Variants in MERTK observed in about 807,000 individuals in gnomAD.
MERTK encodes MER proto-oncogene, tyrosine kinase, also known as tyrosine-protein kinase Mer.
Under a neutral mutation model 99.3 loss-of-function variants are expected in MERTK, and 69 were observed. The ratio of observed to expected loss-of-function variants is 0.70; its 90% CI spans 0.57 to 0.85. The LOEUF is 0.85. Ranked by LOEUF, MERTK falls within the 40% of genes least tolerant of loss-of-function variation. The pLI, the probability that MERTK is intolerant of heterozygous loss-of-function variation, is 0.00. For synonymous variants in MERTK, 426 were observed against 467.6 expected, an observed-to-expected ratio of 0.91 and a Z score of 1.15; for missense variants, 1,125 against 1,249.4, an observed-to-expected ratio of 0.90 and a Z score of 1.50.
At chr2:111,947,681 G>T (rs974965615) in intron 4 of MERTK, 114 bp downstream of exon 4, 1 of 1,267,470 alleles carries the variant, frequency 7.9e-7, no homozygotes, top group Non-Finnish European at 1.1e-6. Flanking sequence ...GAAAATACAG[G>T]TGTGGCAGCA....
intron 1 of MERTK, 57 bp from the exon 2 acceptor site, chr2:111,929,063 C>T: frequency 6.2e-7 from 1 of 1,602,132 alleles, no homozygotes; most frequent in Non-Finnish European, 8.5e-7. Flanking sequence ...AGTTGGGAAC[C>T]TACTTGGGAA....
At chr2:112,008,185 T>C (rs1390116231) in intron 13 of MERTK, among the ~76,000 whole-genome samples, 198 bp from the exon 14 acceptor site, 5 of 152,024 alleles carry the variant, frequency 3.3e-5, no homozygotes, top group Non-Finnish European at 5.9e-5. Flanking sequence ...GCCCCAAAAG[T>C]CCCCTGTGCT....
intron 11 of MERTK, among the ~76,000 whole-genome samples, chr2:112,002,795 A>G (rs1257375395): frequency 6.6e-6 from 1 of 152,090 alleles, no homozygotes; most frequent in African/African-American, 2.4e-5. Flanking sequence ...CCCAGATGAT[A>G]AAACCCGTCT....
intron 9 of MERTK, chr2:111,995,372 T>A: frequency 5.3e-6 from 1 of 188,410 alleles, no homozygotes. Context: ...GGTTGTTTAA[T>A]GTTAAACGGC....
At chr2:112,012,308 A>C (rs1435381460) in intron 15 of MERTK, among the ~76,000 whole-genome samples, 1,897 of 121,010 alleles carry the variant, frequency 0.016, no homozygotes, top group Non-Finnish European at 0.019. Flanking sequence ...CTTCCCCCCC[A>C]CCCCCACACC....
In MERTK at chr2:111,969,434, A is replaced by G. The variant is rs115962204; in HGVS notation, c.960+1182A>G. ...CATCCTGCCTGGTACTTAATCATAC[A>G]GTAGGGTCAGGAATTAGTTTACTAA... On this transcript the variant is annotated intron_variant, in intron 6 of 18. Coordinates refer to ENST00000295408, the MANE Select transcript of MERTK (RefSeq NM_006343.3). 9.8e-3 allele frequency among the ~76,000 whole-genome samples: 1,497 copies of G among 152,278 alleles called. 13 individuals carry two copies. The highest frequency in any genetic ancestry group is 0.012 in the Non-Finnish European group (809 of 67,998).
rs1053281871 is a variant in MERTK, at chr2:111,980,713, C to T, written c.1145-2129C>T. Among the ~76,000 whole-genome samples the T allele has an allele frequency of 4.6e-5, 7 of 152,150 alleles. No homozygotes were observed. In the East Asian group the frequency reaches 7.7e-4, roughly 17 times the overall value. ...GATTACAGGCGTGACCCACTGCGCCCGGCAGAGACACAACTATTTGTTAAT... is the reference window on the plus strand; with the variant it reads ...GATTACAGGCGTGACCCACTGCGCCTGGCAGAGACACAACTATTTGTTAAT... On this transcript the variant is annotated intron_variant, in intron 7 of 18. Coordinates refer to ENST00000295408, the MANE Select transcript of MERTK (RefSeq NM_006343.3).
Position 112,028,154 on chromosome 2 carries a change from C to T in MERTK, c.2487-197C>T, listed in dbSNP as rs1293436464. The T allele has an allele frequency of 1.7e-5, 11 of 639,040 alleles. No homozygotes were observed. In the East Asian group the frequency reaches 2.8e-4, roughly 16 times the overall value. 39.6% of individuals were successfully genotyped at this position (639,040 alleles called of 1,614,324 possible). ...TGTGCTCTTCCTAGAAACAGAATCACTTTTTTGTCAAATACCATGGAACAT... is the reference window on the plus strand; with the variant it reads ...TGTGCTCTTCCTAGAAACAGAATCATTTTTTTGTCAAATACCATGGAACAT... On this transcript the variant is annotated intron_variant, in intron 18 of 18. Transcript: ENST00000295408.
At chr2:112,021,006 C>T (rs1250804274) in intron 16 of MERTK, among the ~76,000 whole-genome samples, 1 of 148,778 alleles carries the variant, frequency 6.7e-6, no homozygotes, top group East Asian at 2.0e-4. Context: ...CCAGCCTGGC[C>T]AACATGGTGA....
intron 8 of MERTK, among the ~76,000 whole-genome samples, chr2:111,991,746 C>T (rs998582311): frequency 2.0e-5 from 3 of 151,910 alleles, no homozygotes; most frequent in Admixed American, 1.3e-4. Flanking sequence ...TGTGTGTGTA[C>T]ACACACAATA....
intron 16 of MERTK, 55 bp from the exon 17 acceptor site, chr2:112,021,367 A>G: frequency 1.2e-6 from 2 of 1,609,378 alleles, no homozygotes; most frequent in Middle Eastern, 2.2e-4. Context: ...GATACAGACC[A>G]GTAATTTAAG....
chr2:111,910,608 G>GTA lies in MERTK; in HGVS notation c.61+11813_61+11814insAT, dbSNP rs1320261312. ...AAAAAAAAAGTGTGTGTGTGTGTGTGTGTATATATATATATATATACAAAT... is the reference window on the plus strand; with the variant it reads ...AAAAAAAAAGTGTGTGTGTGTGTGTGTATGTATATATATATATATATACAAAT... On this transcript the variant is annotated intron_variant, in intron 1 of 18. Coordinates refer to ENST00000295408, the MANE Select transcript of MERTK (RefSeq NM_006343.3). Among the ~76,000 whole-genome samples, 6 of 127,892 alleles carry GTA rather than the reference G, an allele frequency of 4.7e-5. No homozygotes were observed. In the East Asian group the frequency reaches 9.4e-4, roughly 20 times the overall value. 83.9% of individuals were successfully genotyped at this position (127,892 alleles called of 152,430 possible).
At chr2:111,960,829 C>T (rs1223542976) in intron 4 of MERTK, among the ~76,000 whole-genome samples, 1 of 151,754 alleles carries the variant, frequency 6.6e-6, no homozygotes, top group South Asian at 2.1e-4. Context: ...CCTCAAATTA[C>T]ATTTTTTGAA....
At chr2:112,015,013 A>G (rs1349708776) in intron 15 of MERTK, among the ~76,000 whole-genome samples, 2 of 152,206 alleles carry the variant, frequency 1.3e-5, no homozygotes, top group African/African-American at 2.4e-5. Flanking sequence ...TGTGTATATC[A>G]ATAGTTCATT....
intron 13 of MERTK, among the ~76,000 whole-genome samples, chr2:112,006,988 G>T (rs1366742077): frequency 6.6e-6 from 1 of 150,800 alleles, no homozygotes; most frequent in African/African-American, 2.4e-5. Flanking sequence ...CCCTGTTAAC[G>T]CAAATTCCCT....
chr2:112,002,943 A>G (rs1676899565), intron 11 of MERTK, 149 bp from the exon 12 acceptor site: 1 of 517,550 alleles, frequency 1.9e-6, no homozygotes, highest in Admixed American at 2.8e-5. Flanking sequence ...ATTGCACTCC[A>G]GCCTGGGCAA....
chr2:112,014,518 A>G (rs567158855), intron 15 of MERTK, among the ~76,000 whole-genome samples: 1 of 147,226 alleles, frequency 6.8e-6, no homozygotes, highest in Non-Finnish European at 1.5e-5. Flanking sequence ...ATTTCATGTT[A>G]TTGTACAAGA....
At chr2:112,008,518 G>A in intron 14 of MERTK, 43 bp downstream of exon 14, 1 of 1,428,064 alleles carries the variant, frequency 7.0e-7, no homozygotes, top group Admixed American at 1.7e-5. Context: ...AGAGGGCTCT[G>A]CTGATCTGCT....
At chr2:111,983,528 C>T (rs536441079) in intron 8 of MERTK, among the ~76,000 whole-genome samples, 182 of 152,268 alleles carry the variant, frequency 1.2e-3, no homozygotes, top group Middle Eastern at 0.01. Flanking sequence ...GCGGGCAAGC[C>T]GAAATTAGAC....
Sources: allele counts gnomAD v4.1 joint callset (sites outside exome capture counted in the v4.1 genomes callset), GRCh38; gene constraint gnomAD v4.1.1; transcripts MANE v1.5; gene names NCBI Gene and HGNC (gene_info 2026-07-23, HGNC 2026-07-21).